The following SLC12A2 variants were observed in gnomAD, a reference collection of about 807,000 sequenced individuals.
SLC12A2 encodes solute carrier family 12 member 2, also known as Na-K-2Cl cotransporter 1.
In SLC12A2, 67 loss-of-function variants were observed where a neutral mutation model predicts 136.3. That is an observed-to-expected ratio of 0.49 (90% CI 0.40 to 0.60). SLC12A2 has a LOEUF of 0.60. Ranked by LOEUF, SLC12A2 falls within the 20% of genes least tolerant of loss-of-function variation. The probability of loss-of-function intolerance (pLI) is 0.00; values close to 1 mark genes in which losing one functional copy is unlikely to be tolerated. For missense variants in SLC12A2, 1,322 were observed against 1,534.7 expected (o/e 0.86, Z 2.32); for synonymous variants, 619 against 562.9 (o/e 1.10, Z -1.41).
rs186251880 is a variant in SLC12A2 at position 128,112,158 on chromosome 5, G to T, written c.757-656G>T. Among the ~76,000 whole-genome samples the T allele has an allele frequency of 2.8e-4, 42 of 152,170 alleles. 2 individuals are homozygous for T. The East Asian group carries it at 7.3e-3, about 27-fold the overall frequency. On this transcript the variant is annotated intron_variant, in intron 1 of 26. Coordinates refer to ENST00000262461, the MANE Select transcript of SLC12A2 (RefSeq NM_001046.3). ...AGAAAGAGAGAAGTTAGAGAACAAAGAATTATGGAATCAGCTATGAAACCT... is the reference window on the plus strand; with the variant it reads ...AGAAAGAGAGAAGTTAGAGAACAAATAATTATGGAATCAGCTATGAAACCT...
chr5:128,131,414 A>G (rs930667146), intron 5 of SLC12A2, among the ~76,000 whole-genome samples: 6 of 152,204 alleles, frequency 3.9e-5, no homozygotes, highest in African/African-American at 1.2e-4. Context: ...ATGTAATCCC[A>G]GCACTATGGG....
chr5:128,175,276 C>T (rs1285506460), intron 20 of SLC12A2, among the ~76,000 whole-genome samples: 1 of 152,008 alleles, frequency 6.6e-6, no homozygotes, highest in African/African-American at 2.4e-5. Context: ...CAGTTTATCT[C>T]TTCTATATTA....
chr5:128,169,490 T>C (rs1763303268), intron 18 of SLC12A2: 1 of 152,184 alleles, frequency 6.6e-6, no homozygotes. Flanking sequence ...GGATTAGTAA[T>C]ATATATGATA....
At chr5:128,109,544 G>T in intron 1 of SLC12A2, 1 of 676,326 alleles carries the variant, frequency 1.5e-6, no homozygotes, top group Non-Finnish European at 2.7e-6. Context: ...GCACTTGCTG[G>T]GTGGAGAAAG....
Position 128,138,739 on chromosome 5 carries a change from G to A in SLC12A2, c.1536+15G>A. On this transcript the variant is annotated intron_variant, in intron 8 of 26. Coordinates refer to ENST00000262461, the MANE Select transcript of SLC12A2 (RefSeq NM_001046.3). ...GTGATCTTGCAGTAAGTATTATAAAGTGCTATATCAATTATATATTTTAAA... is the reference window on the plus strand; with the variant it reads ...GTGATCTTGCAGTAAGTATTATAAAATGCTATATCAATTATATATTTTAAA... 6.2e-7 allele frequency: 1 copy of A among 1,607,814 alleles called. No homozygotes were observed. Among genetic ancestry groups the A allele is most frequent in the Non-Finnish European group, 8.5e-7 (1 of 1,176,996 alleles).
rs116441897 is a variant in SLC12A2, at chr5:128,154,500, C to T, written c.2363+1695C>T. 2.8e-3 allele frequency among the ~76,000 whole-genome samples: 423 copies of T among 152,172 alleles called. 3 individuals are homozygous for T. Among genetic ancestry groups the T allele is most frequent in the African/African-American group, 9.9e-3 (411 of 41,538 alleles). ...TATTGTGTAAAGAGGAAAAGCTAGTCTGCAAGGTTTGTCATGAAAATCAAT... is the reference window on the plus strand; with the variant it reads ...TATTGTGTAAAGAGGAAAAGCTAGTTTGCAAGGTTTGTCATGAAAATCAAT... On this transcript the variant is annotated intron_variant, in intron 15 of 26. Coordinates refer to ENST00000262461, the MANE Select transcript of SLC12A2 (RefSeq NM_001046.3).
chr5:128,154,464 T>A (rs1762811609), intron 15 of SLC12A2, among the ~76,000 whole-genome samples: 1 of 152,136 alleles, frequency 6.6e-6, no homozygotes, highest in South Asian at 2.1e-4. Context: ...TTTATTAGAA[T>A]TATACGTGAG....
chr5:128,086,575 T>A (rs189047740), intron 1 of SLC12A2, among the ~76,000 whole-genome samples: 148 of 152,336 alleles, frequency 9.7e-4, no homozygotes, highest in Non-Finnish European at 1.4e-3. Context: ...ATTAGGTGAA[T>A]GTAGTATATA....
intron 23 of SLC12A2, among the ~76,000 whole-genome samples, chr5:128,182,244 G>A (rs1490039029): frequency 6.6e-6 from 1 of 151,916 alleles, no homozygotes; most frequent in South Asian, 2.1e-4. Context: ...TTTGTTAATT[G>A]CTTTTTGTAT....
At chr5:128,151,666 G>T (rs907687067) in intron 14 of SLC12A2, among the ~76,000 whole-genome samples, 3 of 151,394 alleles carry the variant, frequency 2.0e-5, no homozygotes, top group African/African-American at 4.9e-5. Context: ...TGTAGAAAAA[G>T]AATAAATTCA....
At position 128,152,703 on chromosome 5, in the gene SLC12A2, C is replaced by A; in HGVS notation, c.2264-3C>A. The A allele has an allele frequency of 1.3e-6, 2 of 1,585,180 alleles. No individual in the cohort carries two copies. Among genetic ancestry groups the A allele is most frequent in the Non-Finnish European group, 1.7e-6 (2 of 1,153,820 alleles). On this transcript the variant is annotated splice_polypyrimidine_tract_variant and splice_region_variant and intron_variant, in intron 14 of 26. Transcript: ENST00000262461. The stretch of plus-strand genomic sequence containing the variant: ...ATGCTGCATGAACATTATCTTCCCA[C>A]AGATGTGAATTGGGGATCCTCTACA...
intron 1 of SLC12A2, among the ~76,000 whole-genome samples, chr5:128,087,194 T>C (rs1301302389): frequency 6.6e-6 from 1 of 152,218 alleles, no homozygotes. Context: ...TGGTGCATCT[T>C]GCTATATTAT....
chr5:128,128,911 A>G (rs1215067950), intron 4 of SLC12A2, among the ~76,000 whole-genome samples: 2 of 151,882 alleles, frequency 1.3e-5, no homozygotes, highest in African/African-American at 4.8e-5. Context: ...AGTTGTTTTT[A>G]CATTCTTATC....
intron 25 of SLC12A2, 129 bp from the exon 26 acceptor site, chr5:128,184,660 A>C: frequency 6.8e-7 from 1 of 1,480,300 alleles, no homozygotes; most frequent in Non-Finnish European, 9.2e-7. Flanking sequence ...AAAAAATAAA[A>C]ATAGAGAACA....
In SLC12A2 at chr5:128,167,785, C is replaced by G; in HGVS notation, c.2641C>G (p.Pro881Ala). 2.5e-6 allele frequency: 4 copies of G among 1,609,218 alleles called. No individual in the cohort carries two copies. The highest frequency in any genetic ancestry group is 1.1e-5 in the South Asian group (1 of 90,094). Residue 881 changes from proline (P) to alanine (A), a missense_variant, in exon 18 of 27, where the codon CCA (proline) becomes GCA (alanine). Coordinates refer to ENST00000262461, the MANE Select transcript of SLC12A2 (RefSeq NM_001046.3). Reference protein sequence around the residue: ...MQAAGLGRMKPNTLVLGFKKD... With the variant: ...MQAAGLGRMKANTLVLGFKKD... ...GGCTGCTGGTCTTGGTCGTATGAAGCCAAACACACTTGTCCTTGGATTTAA... is the reference window on the plus strand; with the variant it reads ...GGCTGCTGGTCTTGGTCGTATGAAGGCAAACACACTTGTCCTTGGATTTAA...
intron 17 of SLC12A2, among the ~76,000 whole-genome samples, chr5:128,162,253 A>G (rs1245178311): frequency 6.6e-6 from 1 of 152,186 alleles, no homozygotes; most frequent in African/African-American, 2.4e-5. Context: ...TAATTAAGAC[A>G]TTGTGGTGTT....
intron 1 of SLC12A2, among the ~76,000 whole-genome samples, chr5:128,108,346 CTT>C (rs2126663507): frequency 6.6e-6 from 1 of 152,224 alleles, no homozygotes; most frequent in East Asian, 1.9e-4. Flanking sequence ...CACCCAAAAA[CTT>C]TAGACAGCTG....
In SLC12A2 at chr5:128,180,923, A is replaced by G. The variant is rs749629118; in HGVS notation, c.3141A>G (p.Lys1047=). ...TACCTTACCTTCTGACGACCAAGAA[A>G]AAATGGAAAGACTGTAAGATCAGAG... ...LLIPYLLTTK[K]KWKDCKIRVF... The change falls in exon 23 of 27, where the codon AAA becomes AAG. Residue 1047 remains lysine, a synonymous_variant. Transcript: ENST00000262461. The G allele has an allele frequency of 3.8e-5, 61 of 1,612,462 alleles. No individual in the cohort carries two copies. Among genetic ancestry groups the G allele is most frequent in the Middle Eastern group, 3.3e-4 (2 of 6,080 alleles).
At chr5:128,137,076 C>T (rs931135676) in intron 7 of SLC12A2, among the ~76,000 whole-genome samples, 1 of 152,162 alleles carries the variant, frequency 6.6e-6, no homozygotes, top group African/African-American at 2.4e-5. Flanking sequence ...ATGGGCCTCC[C>T]TGTTATCAGA....
Sources: gnomAD v4.1 joint callset for allele counts (sites outside exome capture counted in the v4.1 genomes callset) on GRCh38, gnomAD v4.1.1 for gene constraint, MANE v1.5 for transcripts, NCBI Gene and HGNC (gene_info 2026-07-23, HGNC 2026-07-21) for gene names.